The following FAM228B variants were observed in gnomAD, a reference collection of about 807,000 sequenced individuals.
FAM228B encodes the protein family with sequence similarity 228 member B.
FAM228B carries 38 observed loss-of-function variants against 42.6 expected under a neutral mutation model. The observed-to-expected ratio is 0.89, with a 90% CI of 0.69 to 1.17. FAM228B has a LOEUF of 1.17. Ranked by LOEUF, FAM228B falls within the 50% of genes most tolerant of loss-of-function variation. The pLI is 0.00. For synonymous variants in FAM228B, 109 were observed against 122.3 expected, an observed-to-expected ratio of 0.89 and a Z score of 0.72; for missense variants, 344 against 367.3, an observed-to-expected ratio of 0.94 and a Z score of 0.52.
At chr2:24,107,653 T>C (rs1198896759) in intron 3 of FAM228B, among the ~76,000 whole-genome samples, 1 of 152,076 alleles carries the variant, frequency 6.6e-6, no homozygotes, top group Non-Finnish European at 1.5e-5. Context: ...TACATGGAAA[T>C]TAAACAACCT....
upstream of FAM228B, among the ~76,000 whole-genome samples, chr2:24,119,043 C>T (rs1666014726): frequency 1.3e-5 from 2 of 152,124 alleles, no homozygotes; most frequent in Admixed American, 1.3e-4. Flanking sequence ...AATGTATAGA[C>T]ACGGAGGGGG....
chr2:24,164,453 G>A, intron 9 of FAM228B, 118 bp downstream of exon 9: 1 of 1,164,664 alleles, frequency 8.6e-7, no homozygotes, highest in Non-Finnish European at 1.2e-6. Flanking sequence ...GGAGGCAGTG[G>A]GGAATAGGTT....
intron 2 of FAM228B, among the ~76,000 whole-genome samples, chr2:24,092,337 G>A (rs990409877): frequency 6.6e-6 from 1 of 152,006 alleles, no homozygotes; most frequent in Non-Finnish European, 1.5e-5. Flanking sequence ...CACTTTGGGA[G>A]GCCAAGGTGT....
intron 5 of FAM228B, among the ~76,000 whole-genome samples, chr2:24,141,760 C>T (rs928374360): frequency 6.6e-5 from 10 of 152,192 alleles, no homozygotes; most frequent in Non-Finnish European, 1.2e-4. Context: ...TATTGGCCCT[C>T]ACATGTCCAA....
At chr2:24,126,868 C>A (rs1666322650) in intron 2 of FAM228B, among the ~76,000 whole-genome samples, 1 of 152,198 alleles carries the variant, frequency 6.6e-6, no homozygotes, top group South Asian at 2.1e-4. Flanking sequence ...TCATGATCTG[C>A]CCGCCTCGGC....
intron 2 of FAM228B, among the ~76,000 whole-genome samples, chr2:24,083,573 G>A (rs1173229143): frequency 6.6e-6 from 1 of 152,182 alleles, no homozygotes; most frequent in Non-Finnish European, 1.5e-5. Flanking sequence ...ACCACCTGAG[G>A]AGTATTTCAA....
chr2:24,144,060 A>G lies in FAM228B; in HGVS notation c.442-2688A>G, dbSNP rs560739516. Among the ~76,000 whole-genome samples, 3 of 152,200 alleles carry G rather than the reference A, an allele frequency of 2.0e-5. No individual in the cohort carries two copies. The South Asian group carries it at 6.2e-4, about 32-fold the overall frequency. The stretch of plus-strand genomic sequence containing the variant: ...TACAATACCTCCATTTATGATGTGT[A>G]AGTGCTTGTCAGTAGAGATAGGTGT... On this transcript the variant is annotated intron_variant, in intron 5 of 10. Coordinates refer to ENST00000615575, the MANE Select transcript of FAM228B (RefSeq NM_001145710.2).
chr2:24,143,911 G>A (rs1038821950), intron 5 of FAM228B, among the ~76,000 whole-genome samples: 2 of 151,500 alleles, frequency 1.3e-5, no homozygotes, highest in African/African-American at 4.8e-5. Flanking sequence ...TACTCGGGAG[G>A]CTGAGGCAGA....
rs748712322 is a variant in FAM228B, at chr2:24,084,317, C to T, written c.-210+3362C>T. 1 of 1,613,644 alleles carries T rather than the reference C, an allele frequency of 6.2e-7. No homozygotes were observed. The highest frequency in any genetic ancestry group is 8.5e-7 in the Non-Finnish European group (1 of 1,179,904). The stretch of plus-strand genomic sequence containing the variant: ...GGTCCTCCCGGCTTGTCAAAGTGCA[C>T]GGCTAACATATTGTCTGAGGACACA... On this transcript the variant is annotated intron_variant, in intron 2 of 10. Transcript: ENST00000613899. This position sits in a 1 kb window ranked among gnomAD's most constrained non-coding sequence, Gnocchi z 8.4.
At chr2:24,124,079 G>A (rs948474006) in intron 1 of FAM228B, 4 of 276,312 alleles carry the variant, frequency 1.4e-5, no homozygotes, top group Admixed American at 5.0e-5. Context: ...GGAATGGGCT[G>A]CCTTGGAGGG....
At chr2:24,112,201 CTA>C (rs1437217975) in intron 3 of FAM228B, among the ~76,000 whole-genome samples, 1 of 151,842 alleles carries the variant, frequency 6.6e-6, no homozygotes, top group Non-Finnish European at 1.5e-5. Context: ...AATGTCAACT[CTA>C]TGCATTAAGG....
chr2:24,124,286 C>T, intron 1 of FAM228B, 44 bp from the exon 2 acceptor site: 1 of 987,548 alleles, frequency 1.0e-6, no homozygotes, highest in Non-Finnish European at 1.5e-6. Flanking sequence ...AAGAGAAAAT[C>T]AGATGACTGT....
intron 9 of FAM228B, among the ~76,000 whole-genome samples, chr2:24,166,766 A>AGGCTTCTCCTCTGAGATGACGTTT (rs1667426350): frequency 6.6e-6 from 1 of 152,142 alleles, no homozygotes; most frequent in African/African-American, 2.4e-5. Flanking sequence ...AAGTCAGAGG[A>AGGCTTCTCCTCTGAGATGACGTTT]GGCTTCTCCT....
chr2:24,115,605 T>G (rs1245146994), intron 3 of FAM228B: 13 of 1,612,790 alleles, frequency 8.1e-6, no homozygotes, highest in Non-Finnish European at 1.1e-5. Flanking sequence ...TTTTCTTAGG[T>G]AGTCTCCTGA....
intron 2 of FAM228B, among the ~76,000 whole-genome samples, chr2:24,127,105 A>G (rs999000792): frequency 1.3e-5 from 2 of 151,654 alleles, no homozygotes; most frequent in Non-Finnish European, 2.9e-5. Context: ...GTCACCCCCC[A>G]TTCCCCTCCC....
chr2:24,148,376 C>T, intron 7 of FAM228B, among the ~76,000 whole-genome samples: 1 of 152,130 alleles, frequency 6.6e-6, no homozygotes, highest in East Asian at 1.9e-4. Flanking sequence ...TCTCATGGAG[C>T]TTCAGTTTTA....
intron 9 of FAM228B, chr2:24,166,294 C>T (rs1421981473): frequency 6.6e-6 from 1 of 151,872 alleles, no homozygotes; most frequent in Non-Finnish European, 1.5e-5. Flanking sequence ...TCCCCACTCC[C>T]AGTTAGAAAT....
intron 3 of FAM228B, 143 bp from the exon 4 acceptor site, chr2:24,137,766 G>A (rs1666625689): frequency 1.7e-6 from 1 of 594,638 alleles, no homozygotes; most frequent in African/African-American, 1.9e-5. Context: ...AGAAGTTAAA[G>A]CCAAAGAAAC....
intron 2 of FAM228B, among the ~76,000 whole-genome samples, chr2:24,128,975 G>A (rs1254126210): frequency 6.6e-6 from 1 of 151,844 alleles, no homozygotes; most frequent in Non-Finnish European, 1.5e-5. Context: ...TCCTGGGACT[G>A]TGTGACCTCT....
Sources: gnomAD v4.1 joint callset for allele counts (sites outside exome capture counted in the v4.1 genomes callset) on GRCh38, gnomAD v4.1.1 for gene constraint, Gnocchi (gnomAD v3.1) non-coding constraint, MANE v1.5 for transcripts, NCBI Gene and HGNC (gene_info 2026-07-23, HGNC 2026-07-21) for gene names.